The following TLDC2 variants were observed in gnomAD, a reference collection of about 807,000 sequenced individuals.
TLDC2 encodes TLD domain-containing protein 2.
A neutral mutation model predicts 27.9 loss-of-function variants in TLDC2; 23 were observed. That is an observed-to-expected ratio of 0.82 (90% confidence interval 0.59 to 1.17). The LOEUF (loss-of-function observed/expected upper bound fraction) is 1.17, where lower values mean the gene tolerates loss of function less well. Among genes scored for constraint, TLDC2 ranks in the 50% most tolerant of loss-of-function variants. The pLI is 0.00. For synonymous variants in TLDC2, 124 were observed against 107.4 expected (o/e 1.16, Z -0.96); for missense variants, 286 against 273.4 (o/e 1.05, Z -0.32).
chr20:36,879,881 G>C (rs1989761147), intron 3 of TLDC2, among the ~76,000 whole-genome samples: 1 of 109,096 alleles, frequency 9.2e-6, no homozygotes, highest in African/African-American at 2.8e-5. Flanking sequence ...GTGAAACCCT[G>C]TCTGAAAAAA....
intron 6 of TLDC2, chr20:36,890,954 T>C (rs1990060901): frequency 6.6e-6 from 1 of 152,118 alleles, no homozygotes; most frequent in South Asian, 2.1e-4. Flanking sequence ...TAAACCACAA[T>C]GATTTAAAGG....
intron 3 of TLDC2, among the ~76,000 whole-genome samples, chr20:36,879,692 C>A (rs6072563): frequency 0.47 from 70,783 of 151,390 alleles, 17,145 homozygotes; most frequent in South Asian, 0.66. Context: ...AAAACCAAAA[C>A]CAAAAACCAA....
intron 1 of TLDC2, among the ~76,000 whole-genome samples, chr20:36,877,642 C>G (rs1280060661): frequency 1.3e-5 from 2 of 152,190 alleles, no homozygotes; most frequent in Non-Finnish European, 2.9e-5. Flanking sequence ...CCCATCTGAG[C>G]CTTGTGGGGT....
rs1164485997 is a variant in TLDC2, at chr20:36,889,290, C to T, written c.552C>T (p.Arg184=). 4.3e-6 allele frequency: 7 copies of T among 1,614,122 alleles called. No homozygotes were observed. The highest frequency in any genetic ancestry group is 4.2e-6 in the Non-Finnish European group (5 of 1,180,004). ...FGLWLDGDLF[R]GGSSPCPTFN... The stretch of plus-strand genomic sequence containing the variant: ...TGTGGTTGGATGGAGACTTGTTCCG[C>T]GGGGGAAGCTCCCCTTGCCCGACCT... Residue 184 remains arginine (R), a synonymous_variant, in exon 6 of 7, where the codon CGC becomes CGT. Coordinates refer to ENST00000217320, the MANE Select transcript of TLDC2 (RefSeq NM_080628.3).
In TLDC2 at chr20:36,889,332, G is replaced by A. The variant is rs1990002804; in HGVS notation, c.594G>A (p.Leu198=). The A allele has an allele frequency of 6.2e-7, 1 of 1,614,106 alleles. No individual in the cohort carries two copies. ...GCCCGACCTTCAACAACGAGGTGCT[G>A]GCCCGGCAGGAGCAGTTCTGCATCC... ...SPCPTFNNEV[L]ARQEQFCIQE... The change falls in exon 6 of 7, where the codon CTG becomes CTA. Residue 198 remains leucine, a synonymous_variant. Transcript: ENST00000217320.
At position 36,884,901 on chromosome 20, in the gene TLDC2, G is replaced by A. The variant is rs866940836; in HGVS notation, c.439-2554G>A. ...TTTTTTTTTTTTTTTTTTTTGAGACGGAGTTTTGCTCTTGTTGCCCAGGCT... is the reference window on the plus strand; with the variant it reads ...TTTTTTTTTTTTTTTTTTTTGAGACAGAGTTTTGCTCTTGTTGCCCAGGCT... On this transcript the variant is annotated intron_variant, in intron 4 of 6. Transcript: ENST00000217320. Among the ~76,000 whole-genome samples, 245 of 96,864 alleles carry A rather than the reference G, an allele frequency of 2.5e-3. 4 individuals carry two copies. The highest frequency in any genetic ancestry group is 0.02 in the Middle Eastern group (2 of 100). 63.5% of individuals were successfully genotyped at this position (96,864 alleles called of 152,430 possible).
chr20:36,884,119 T>C (rs1259783612), intron 4 of TLDC2, among the ~76,000 whole-genome samples: 1 of 148,476 alleles, frequency 6.7e-6, no homozygotes, highest in African/African-American at 2.4e-5. Flanking sequence ...CAAACAAAAA[T>C]GGTGGGGGGG....
At chr20:36,885,610 GATCTC>G (rs1168090547) in intron 4 of TLDC2, among the ~76,000 whole-genome samples, 3 of 152,134 alleles carry the variant, frequency 2.0e-5, no homozygotes, top group Non-Finnish European at 4.4e-5. Flanking sequence ...TTGTTAATAT[GATCTC>G]ATCTCTCCTG....
chr20:36,883,135 G>GT (rs1333942316), intron 4 of TLDC2, among the ~76,000 whole-genome samples: 1 of 150,364 alleles, frequency 6.7e-6, no homozygotes, highest in African/African-American at 2.5e-5. Flanking sequence ...CAAACATGGC[G>GT]TTTCTTTTTT....
rs755296881 is a variant in TLDC2, at chr20:36,876,169, A to G, written c.-6A>G. ...TGCCCACGGCCGGCTGAGCAGGGAC[A>G]GGAGAATGAGAGGCCTCCGCTGGCG... On this transcript the variant is annotated 5_prime_UTR_variant, in exon 1 of 7. Coordinates refer to ENST00000217320, the MANE Select transcript of TLDC2 (RefSeq NM_080628.3). 2 of 1,614,136 alleles carry G rather than the reference A, an allele frequency of 1.2e-6. No homozygotes were observed. Among genetic ancestry groups the G allele is most frequent in the South Asian group, 1.1e-5 (1 of 91,088 alleles).
At chr20:36,880,862 C>A in intron 4 of TLDC2, 112 bp downstream of exon 4, 1 of 939,746 alleles carries the variant, frequency 1.1e-6, no homozygotes, top group Non-Finnish European at 1.7e-6. Flanking sequence ...GGTGTGCCAC[C>A]ATCTTCCCAC....
At chr20:36,878,139 G>A in intron 2 of TLDC2, 85 bp downstream of exon 2, 1 of 1,437,776 alleles carries the variant, frequency 7.0e-7, no homozygotes, top group Non-Finnish European at 9.3e-7. Context: ...ACGCCCAGGG[G>A]CACCTAGAGT....
chr20:36,884,970 C>T (rs929616877), intron 4 of TLDC2, among the ~76,000 whole-genome samples: 1 of 150,624 alleles, frequency 6.6e-6, no homozygotes, highest in African/African-American at 2.4e-5. Context: ...CCTCTGCCTC[C>T]CAGGTTCAAG....
chr20:36,878,672 A>G (rs1358782184), intron 2 of TLDC2, among the ~76,000 whole-genome samples: 1 of 152,002 alleles, frequency 6.6e-6, no homozygotes, highest in Non-Finnish European at 1.5e-5. Context: ...GATGAGACGG[A>G]GGATCAGGAG....
chr20:36,878,459 T>C (rs1460648528), intron 2 of TLDC2, among the ~76,000 whole-genome samples: 1 of 152,118 alleles, frequency 6.6e-6, no homozygotes, highest in Non-Finnish European at 1.5e-5. Flanking sequence ...TGTGCACCTG[T>C]AGTCTCAGCT....
intron 4 of TLDC2, 81 bp downstream of exon 4, chr20:36,880,831 A>G (rs1194692897): frequency 2.4e-6 from 3 of 1,255,658 alleles, no homozygotes; most frequent in Non-Finnish European, 3.5e-6. Context: ...TCCCAGCTCC[A>G]TCCTCCACGA....
intron 6 of TLDC2, chr20:36,891,690 T>C (rs1181431722): frequency 1.3e-5 from 2 of 152,162 alleles, no homozygotes; most frequent in Non-Finnish European, 2.9e-5. Context: ...GTGCAGTGTT[T>C]GTGCTTTTTT....
At chr20:36,876,275 G>C in intron 1 of TLDC2, 68 bp downstream of exon 1, 3 of 1,605,270 alleles carry the variant, frequency 1.9e-6, no homozygotes, top group Non-Finnish European at 2.6e-6. Flanking sequence ...CTGGCAGGGT[G>C]GGGCCTGGGC....
chr20:36,880,388 G>A (rs780378307), intron 3 of TLDC2, among the ~76,000 whole-genome samples: 5 of 151,886 alleles, frequency 3.3e-5, no homozygotes, highest in Non-Finnish European at 4.4e-5. Context: ...GAGCCATCAC[G>A]CTCGGCCCAG....
Sources: allele counts gnomAD v4.1 joint callset (sites outside exome capture counted in the v4.1 genomes callset), GRCh38; gene constraint gnomAD v4.1.1; transcripts MANE v1.5; gene names NCBI Gene and HGNC (gene_info 2026-07-23, HGNC 2026-07-21).